The following RIMS2 variants were observed in gnomAD, a reference collection of about 807,000 sequenced individuals.
RIMS2 encodes the protein regulating synaptic membrane exocytosis protein 2.
Under a neutral mutation model 174.4 loss-of-function variants are expected in RIMS2, and 59 were observed. The observed-to-expected ratio is 0.34, with a 90% CI of 0.27 to 0.42. The LOEUF (loss-of-function observed/expected upper bound fraction) is 0.42, where lower values mean the gene tolerates loss of function less well. Ranked by LOEUF, RIMS2 falls within the 10% of genes least tolerant of loss-of-function variation. The pLI, the probability that RIMS2 is intolerant of heterozygous loss-of-function variation, is 1.00. For synonymous variants in RIMS2, 606 were observed against 572.5 expected, an observed-to-expected ratio of 1.06 and a Z score of -0.84; for missense variants, 1,620 against 1,666.3, an observed-to-expected ratio of 0.97 and a Z score of 0.48.
chr8:103,824,153 C>G (rs952947320), intron 3 of RIMS2, among the ~76,000 whole-genome samples: 4 of 152,022 alleles, frequency 2.6e-5, no homozygotes, highest in African/African-American at 7.2e-5. Flanking sequence ...TGACACTGAT[C>G]TACAGTCTTT....
intron 1 of RIMS2, among the ~76,000 whole-genome samples, chr8:103,610,636 G>C (rs1264944666): frequency 6.6e-6 from 1 of 152,190 alleles, no homozygotes; most frequent in Admixed American, 6.5e-5. Flanking sequence ...CATATTGATT[G>C]ATTTGCATTT....
intron 3 of RIMS2, among the ~76,000 whole-genome samples, chr8:103,885,071 C>T (rs1389493588): frequency 6.6e-6 from 1 of 151,842 alleles, no homozygotes; most frequent in Non-Finnish European, 1.5e-5. Flanking sequence ...CAAGCATAAG[C>T]ATATTCCAGA....
chr8:104,016,194 A>G (rs760779147), intron 19 of RIMS2, among the ~76,000 whole-genome samples: 1 of 152,066 alleles, frequency 6.6e-6, no homozygotes, highest in Non-Finnish European at 1.5e-5. Context: ...TGCCTGGCAC[A>G]TTGTAGACCC....
chr8:103,994,424 C>G (rs1290225457), intron 17 of RIMS2, among the ~76,000 whole-genome samples: 1 of 151,570 alleles, frequency 6.6e-6, no homozygotes, highest in East Asian at 1.9e-4. Context: ...CTATTTTTTT[C>G]TTTTACAGTG....
At chr8:103,601,793 TA>T (rs1308970772) in intron 1 of RIMS2, among the ~76,000 whole-genome samples, 1 of 152,164 alleles carries the variant, frequency 6.6e-6, no homozygotes, top group East Asian at 1.9e-4. Flanking sequence ...TTTTGCTTTT[TA>T]TTTTTTATGT....
intron 1 of RIMS2, among the ~76,000 whole-genome samples, chr8:103,529,672 C>T (rs551882262): frequency 2.6e-4 from 39 of 152,306 alleles, no homozygotes; most frequent in East Asian, 3.9e-4. Flanking sequence ...GAGATGAACC[C>T]GGTACCTCAG....
intron 19 of RIMS2, among the ~76,000 whole-genome samples, chr8:104,047,205 T>C (rs187254674): frequency 4.1e-5 from 6 of 147,864 alleles, no homozygotes; most frequent in Admixed American, 3.3e-4. Flanking sequence ...GCAACATTTT[T>C]TAGTTCTTTT....
At chr8:103,846,812 A>G (rs1031508993) in intron 3 of RIMS2, among the ~76,000 whole-genome samples, 2 of 151,960 alleles carry the variant, frequency 1.3e-5, no homozygotes, top group African/African-American at 4.8e-5. Context: ...ATTTTTTTCC[A>G]CTTTTACTGA....
At chr8:103,728,772 T>C (rs554234646) in intron 2 of RIMS2, among the ~76,000 whole-genome samples, 17 of 150,458 alleles carry the variant, frequency 1.1e-4, no homozygotes, top group Non-Finnish European at 1.5e-5. Context: ...TTTTTTAGGA[T>C]TTTTATCTTG....
chr8:104,123,798 C>T (rs1175578593), intron 19 of RIMS2, among the ~76,000 whole-genome samples: 1 of 151,972 alleles, frequency 6.6e-6, no homozygotes, highest in African/African-American at 2.4e-5. Flanking sequence ...TACTTCAAAT[C>T]TTGTAGGAAA....
chr8:103,647,896 A>AT (rs71297225), intron 1 of RIMS2, among the ~76,000 whole-genome samples: 4,556 of 114,532 alleles, frequency 0.04, 198 homozygotes, highest in African/African-American at 0.12. Flanking sequence ...TTTTTTTTTG[A>AT]TTTTTTTTTT....
chr8:103,614,969 A>T (rs2095471839), intron 1 of RIMS2, among the ~76,000 whole-genome samples: 1 of 152,180 alleles, frequency 6.6e-6, no homozygotes, highest in African/African-American at 2.4e-5. Context: ...TATTGGAGAA[A>T]TTTCTATCTC....
chr8:103,721,826 A>G (rs1391554240), intron 2 of RIMS2, among the ~76,000 whole-genome samples: 1 of 152,156 alleles, frequency 6.6e-6, no homozygotes, highest in East Asian at 1.9e-4. Flanking sequence ...GAAAATGTCA[A>G]TAGCTATATA....
At chr8:103,684,797 G>T (rs2096922490) in intron 1 of RIMS2, among the ~76,000 whole-genome samples, 1 of 151,878 alleles carries the variant, frequency 6.6e-6, no homozygotes, top group African/African-American at 2.4e-5. Flanking sequence ...ATGTTGGCCA[G>T]GTTGGTCTCA....
intron 1 of RIMS2, among the ~76,000 whole-genome samples, chr8:103,608,864 C>T (rs1390664958): frequency 1.3e-4 from 19 of 151,850 alleles, no homozygotes; most frequent in Admixed American, 4.6e-4. Context: ...GCACGGTGCA[C>T]GCACCCACTG....
At chr8:103,852,286 CT>C (rs1324603289) in intron 3 of RIMS2, among the ~76,000 whole-genome samples, 5 of 151,568 alleles carry the variant, frequency 3.3e-5, no homozygotes, top group Admixed American at 1.3e-4. Context: ...GACTTGGGGG[CT>C]AATTTTAGCA....
rs1031582323 is a variant in RIMS2 at position 103,805,250 on chromosome 8, C to T, written c.698+38713C>T. Among the ~76,000 whole-genome samples the T allele has an allele frequency of 2.6e-5, 4 of 152,054 alleles. No individual in the cohort carries two copies. The South Asian group carries it at 6.2e-4, about 24-fold the overall frequency. On this transcript the variant is annotated intron_variant, in intron 3 of 23. Coordinates refer to ENST00000504942, the Ensembl canonical transcript of RIMS2. ...TAGGAATCCTGAAGAGTGAATTAGT[C>T]CCATGAATCTCAAGATAGCTCAATA...
intron 19 of RIMS2, among the ~76,000 whole-genome samples, chr8:104,021,877 T>C (rs2096104058): frequency 6.6e-6 from 1 of 152,078 alleles, no homozygotes; most frequent in Admixed American, 6.6e-5. Context: ...TTTTCAAAGA[T>C]AGTTTGGTGG....
At chr8:104,075,205 T>C (rs2154562190) in intron 19 of RIMS2, among the ~76,000 whole-genome samples, 1 of 152,130 alleles carries the variant, frequency 6.6e-6, no homozygotes, top group South Asian at 2.1e-4. Context: ...GAAAACCTAG[T>C]ATTCATGTAA....
Sources: allele counts gnomAD v4.1 joint callset (sites outside exome capture counted in the v4.1 genomes callset), GRCh38; gene constraint gnomAD v4.1.1; transcripts MANE v1.5; gene names NCBI Gene and HGNC (gene_info 2026-07-23, HGNC 2026-07-21).